SCARB2: variants seen among roughly 807,000 people sequenced by gnomAD.
SCARB2 encodes scavenger receptor class B member 2, also known as lysosome membrane protein 2.
SCARB2 carries 29 observed loss-of-function variants against 58.6 expected under a neutral mutation model. The ratio of observed to expected loss-of-function variants is 0.49; its 90% CI spans 0.37 to 0.67. SCARB2 has a LOEUF of 0.67. SCARB2 is among the 30% of genes least tolerant of loss of function. The pLI, the probability that SCARB2 is intolerant of heterozygous loss-of-function variation, is 0.00. For synonymous variants in SCARB2, 195 were observed against 210.1 expected (o/e 0.93, Z 0.62); for missense variants, 488 against 578.5 (o/e 0.84, Z 1.60).
chr4:76,195,711 A>T lies in SCARB2; in HGVS notation c.271T>A (p.Tyr91Asn). ...PRVEEVGPYTYRELRNKANIQ... is the reference protein window; with the variant it reads ...PRVEEVGPYTNRELRNKANIQ... ...CAGGAGGTGGTCAAGACTTACCTGT[A>T]GGTGTATGGCCCCACTTCTTCCACC... The change falls in exon 2 of 12, where the codon TAC (tyrosine) becomes AAC (asparagine). Residue 91 changes from tyrosine to asparagine, a missense_variant. Physicochemically the swap from Tyr to Asn is moderately radical, Grantham distance 143 (BLOSUM62 -2). Coordinates refer to ENST00000264896, the MANE Select transcript of SCARB2 (RefSeq NM_005506.4). The T allele has an allele frequency of 6.2e-7, 1 of 1,613,738 alleles. No individual in the cohort carries two copies. Among genetic ancestry groups the T allele is most frequent in the South Asian group, 1.1e-5 (1 of 91,054 alleles).
chr4:76,184,413 C>G (rs1177058613), intron 2 of SCARB2, among the ~76,000 whole-genome samples: 1 of 152,234 alleles, frequency 6.6e-6, no homozygotes, highest in Non-Finnish European at 1.5e-5. Context: ...TGTTAAACCA[C>G]TTACACAGCT....
chr4:76,212,818 C>T (rs1481867088), intron 1 of SCARB2, among the ~76,000 whole-genome samples: 1 of 152,126 alleles, frequency 6.6e-6, no homozygotes, highest in Admixed American at 6.5e-5. Context: ...TTGAGAAAAA[C>T]AAGAATTCAT....
intron 2 of SCARB2, 85 bp downstream of exon 2, chr4:76,195,622 C>A (rs1732694900): frequency 8.4e-7 from 1 of 1,185,814 alleles, no homozygotes; most frequent in Non-Finnish European, 1.3e-6. Flanking sequence ...AGCCCTGGAG[C>A]CTTGCTCCTG....
intron 3 of SCARB2, chr4:76,180,447 CGTT>C (rs1327626072): frequency 6.6e-6 from 1 of 152,438 alleles, no homozygotes; most frequent in Non-Finnish European, 1.5e-5. Context: ...GAATAGGTGT[CGTT>C]ATTAGGTAGA....
intron 10 of SCARB2, 199 bp downstream of exon 10, chr4:76,166,051 T>C (rs1732002273): frequency 1.5e-6 from 1 of 651,208 alleles, no homozygotes; most frequent in Non-Finnish European, 2.7e-6. Context: ...GGAAAATTTC[T>C]TTCCATCATT....
intron 2 of SCARB2, among the ~76,000 whole-genome samples, chr4:76,190,862 CA>C (rs1732590723): frequency 6.6e-6 from 1 of 152,148 alleles, no homozygotes; most frequent in African/African-American, 2.4e-5. Context: ...ATAGGGTAGC[CA>C]CTAGACACAT....
At chr4:76,179,028 GGTTTTT>G (rs751604931) in intron 4 of SCARB2, 3,316 of 163,070 alleles carry the variant, frequency 0.02, 77 homozygotes, top group African/African-American at 0.072. Flanking sequence ...TGCACTCCAG[GGTTTTT>G]GTTTTTGTTT....
chr4:76,166,171 G>T, intron 10 of SCARB2, 79 bp downstream of exon 10: 1 of 1,361,336 alleles, frequency 7.3e-7, no homozygotes, highest in Non-Finnish European at 1.1e-6. Flanking sequence ...TAACTTACAT[G>T]TAACTACAAC....
intron 1 of SCARB2, among the ~76,000 whole-genome samples, chr4:76,228,245 A>AG (rs1733432345): frequency 6.6e-6 from 1 of 152,088 alleles, no homozygotes; most frequent in African/African-American, 2.4e-5. Context: ...GGGGAGGCTG[A>AG]GGGGGGTGCA....
chr4:76,174,096 C>G lies in SCARB2; in HGVS notation c.994+48G>C, dbSNP rs147948083. 4,486 of 1,608,596 alleles carry G rather than the reference C, an allele frequency of 2.8e-3. 116 individuals are homozygous for G. In the African/African-American group the frequency reaches 0.053, roughly 19 times the overall value. On this transcript the variant is annotated intron_variant, in intron 7 of 11. Transcript: ENST00000264896. Reference sequence around the variant, plus strand: ...ACATATTCTTTGTTGAACTCCAATCCTTCTGCATTCTTGACACCCCTATCA... The same window carrying G: ...ACATATTCTTTGTTGAACTCCAATCGTTCTGCATTCTTGACACCCCTATCA...
chr4:76,180,061 C>CGA, intron 3 of SCARB2: 3 of 293,452 alleles, frequency 1.0e-5, no homozygotes, highest in South Asian at 3.4e-5. Context: ...ATTATAAACC[C>CGA]GACCTACACC....
chr4:76,176,039 A>G, intron 5 of SCARB2, 129 bp from the exon 6 acceptor site: 1 of 1,147,632 alleles, frequency 8.7e-7, no homozygotes, highest in South Asian at 1.4e-5. Flanking sequence ...ACACAGACAC[A>G]ACAGTTTTAA....
chr4:76,230,815 T>C (rs1733479881), intron 1 of SCARB2, among the ~76,000 whole-genome samples: 1 of 152,176 alleles, frequency 6.6e-6, no homozygotes, highest in Admixed American at 6.5e-5. Context: ...ATCTCCCTTA[T>C]TGTCAGTAGC....
At chr4:76,195,196 C>A (rs999359) in intron 2 of SCARB2, 3,491 of 157,168 alleles carry the variant, frequency 0.022, 118 homozygotes, top group African/African-American at 0.08. Flanking sequence ...TATAGCAAGA[C>A]CTCATCTCTA....
chr4:76,176,054 A>G, intron 5 of SCARB2, 144 bp from the exon 6 acceptor site: 2 of 1,024,166 alleles, frequency 2.0e-6, no homozygotes, highest in Non-Finnish European at 2.8e-6. Flanking sequence ...TTTTAATTAG[A>G]TCAAGGGGGA....
chr4:76,213,340 T>C (rs1733103513), intron 1 of SCARB2, 87 bp downstream of exon 1: 4 of 921,160 alleles, frequency 4.3e-6, no homozygotes, highest in Admixed American at 3.8e-5. Flanking sequence ...GCCTGAGTGC[T>C]GGTCTTTCCC....
In SCARB2 at chr4:76,159,021, T is replaced by C. The variant is rs528246222; in HGVS notation, c.*2692A>G. 9 of 152,322 alleles carry C rather than the reference T, an allele frequency of 5.9e-5. No individual in the cohort carries two copies. Among genetic ancestry groups the C allele is most frequent in the African/African-American group, 2.2e-4 (9 of 41,568 alleles). 9.4% of individuals were successfully genotyped at this position (152,322 alleles called of 1,614,324 possible). A position where few individuals can be genotyped will look rare whatever the true frequency, so the allele number is the denominator to read the frequency against. ...GTTAGTCGTGTAGTGCTTGTTCCACTTGACCATTAGTGATCTTTCTAGAAC... is the reference window on the plus strand; with the variant it reads ...GTTAGTCGTGTAGTGCTTGTTCCACCTGACCATTAGTGATCTTTCTAGAAC... On this transcript the variant is annotated 3_prime_UTR_variant, in exon 12 of 12. Transcript: ENST00000264896.
intron 10 of SCARB2, chr4:76,164,907 G>A (rs1343365377): frequency 6.6e-6 from 1 of 152,008 alleles, no homozygotes; most frequent in African/African-American, 2.4e-5. Flanking sequence ...GTAAAAAGGT[G>A]GTGTGGCAAC....
In SCARB2 at chr4:76,213,600, G is replaced by A. The variant is rs1350225536; in HGVS notation, c.-57C>T. On this transcript the variant is annotated 5_prime_UTR_variant, in exon 1 of 12. Transcript: ENST00000264896. The stretch of plus-strand genomic sequence containing the variant: ...GCACCCGCCAGGGATCCAACTGCAA[G>A]GAGGGAGGAGCCGCCGCAGAGGCGT... 8 of 1,423,938 alleles carry A rather than the reference G, an allele frequency of 5.6e-6. No homozygotes were observed. Among genetic ancestry groups the A allele is most frequent in the East Asian group, 2.3e-5 (1 of 43,416 alleles). 88.2% of individuals were successfully genotyped at this position (1,423,938 alleles called of 1,614,324 possible). A position where few individuals can be genotyped will look rare whatever the true frequency, so the allele number is the denominator to read the frequency against.
Sources: allele counts gnomAD v4.1 joint callset (sites outside exome capture counted in the v4.1 genomes callset), GRCh38; gene constraint gnomAD v4.1.1; transcripts MANE v1.5; gene names NCBI Gene and HGNC (gene_info 2026-07-23, HGNC 2026-07-21).